SLC25A48: variants seen among roughly 807,000 people sequenced by gnomAD.
The protein encoded by SLC25A48 is CTC-321K16.1.
In SLC25A48, 29 loss-of-function variants were observed where a neutral mutation model predicts 32.2. The ratio of observed to expected loss-of-function variants is 0.90; its 90% confidence interval spans 0.67 to 1.23. The LOEUF is 1.23. SLC25A48 is among the 50% of genes most tolerant of loss of function. SLC25A48 has a pLI of 0.00. For missense variants in SLC25A48, 399 were observed against 422.7 expected (o/e 0.94, Z 0.49); for synonymous variants, 164 against 172.3 (o/e 0.95, Z 0.38).
At chr5:135,774,700 AG>A (rs1362248526) in intron 3 of SLC25A48, among the ~76,000 whole-genome samples, 1 of 151,452 alleles carries the variant, frequency 6.6e-6, no homozygotes. Flanking sequence ...TCCCAATATA[AG>A]GGGGTAAGAG....
chr5:135,720,639 A>T (rs909638731), intron 3 of SLC25A48, among the ~76,000 whole-genome samples: 1 of 152,236 alleles, frequency 6.6e-6, no homozygotes, highest in Non-Finnish European at 1.5e-5. Flanking sequence ...CCCCATGCAT[A>T]GCCCAGCCCT....
chr5:135,660,171 C>G (rs559824042), intron 3 of SLC25A48, among the ~76,000 whole-genome samples: 1 of 152,264 alleles, frequency 6.6e-6, no homozygotes, highest in African/African-American at 2.4e-5. Flanking sequence ...TTTTGAGATT[C>G]ACATGCAGTT....
At chr5:135,638,781 A>G (rs1752766378) in intron 3 of SLC25A48, among the ~76,000 whole-genome samples, 1 of 152,210 alleles carries the variant, frequency 6.6e-6, no homozygotes, top group South Asian at 2.1e-4. Flanking sequence ...GAAAACCATA[A>G]TCTGCATACA....
chr5:135,612,249 A>G (rs1197435011), intron 1 of SLC25A48, among the ~76,000 whole-genome samples: 4 of 152,196 alleles, frequency 2.6e-5, no homozygotes, highest in African/African-American at 9.7e-5. Flanking sequence ...AAGACTGCAT[A>G]TTTTCTAATT....
intron 2 of SLC25A48, among the ~76,000 whole-genome samples, chr5:135,633,858 G>T (rs1040899160): frequency 5.3e-4 from 81 of 152,232 alleles, no homozygotes; most frequent in African/African-American, 1.9e-3. Flanking sequence ...TTTAAAATCT[G>T]CATAAATATT....
intron 3 of SLC25A48, among the ~76,000 whole-genome samples, chr5:135,778,151 G>A (rs1756616473): frequency 6.6e-6 from 1 of 151,314 alleles, no homozygotes; most frequent in Non-Finnish European, 1.5e-5. Context: ...GCGCCCCGTG[G>A]TATTGTTTCT....
chr5:135,635,649 G>A (rs1047252541), intron 3 of SLC25A48, among the ~76,000 whole-genome samples: 3 of 152,182 alleles, frequency 2.0e-5, no homozygotes, highest in Admixed American at 6.5e-5. Flanking sequence ...AAGTAAAACA[G>A]TCTTGATTTG....
At chr5:135,634,349 G>T (rs1274765294) in intron 2 of SLC25A48, among the ~76,000 whole-genome samples, 1 of 152,232 alleles carries the variant, frequency 6.6e-6, no homozygotes, top group East Asian at 1.9e-4. Context: ...GGAGGGAAGG[G>T]CGAAATACCT....
chr5:135,586,593 C>T (rs999180216), intron 1 of SLC25A48, among the ~76,000 whole-genome samples: 1 of 152,146 alleles, frequency 6.6e-6, no homozygotes, highest in African/African-American at 2.4e-5. Context: ...AGGCACACTG[C>T]TAAGCTCTCA....
At chr5:135,639,488 C>T (rs1370694473) in intron 3 of SLC25A48, among the ~76,000 whole-genome samples, 1 of 152,100 alleles carries the variant, frequency 6.6e-6, no homozygotes, top group African/African-American at 2.4e-5. Flanking sequence ...TAGGAGTCCT[C>T]GGATTCTTGG....
At chr5:135,864,260 C>T (rs1423021452) in intron 4 of SLC25A48, among the ~76,000 whole-genome samples, 2 of 152,182 alleles carry the variant, frequency 1.3e-5, no homozygotes, top group African/African-American at 2.4e-5. Flanking sequence ...ATCAGCTGTA[C>T]CTCTGAGGCC....
chr5:135,585,643 A>G (rs1424596753), intron 1 of SLC25A48, among the ~76,000 whole-genome samples: 1 of 152,254 alleles, frequency 6.6e-6, no homozygotes, highest in Non-Finnish European at 1.5e-5. Context: ...GAACGAATGC[A>G]GGATGAATGA....
chr5:135,747,657 A>C (rs994828000), intron 3 of SLC25A48, among the ~76,000 whole-genome samples: 2 of 152,218 alleles, frequency 1.3e-5, no homozygotes, highest in African/African-American at 4.8e-5. Context: ...TGGCACCTGG[A>C]ATATTAATGA....
chr5:135,817,889 C>G (rs1161213303), intron 4 of SLC25A48, among the ~76,000 whole-genome samples: 1 of 152,094 alleles, frequency 6.6e-6, no homozygotes, highest in Non-Finnish European at 1.5e-5. Flanking sequence ...TCACTATGGC[C>G]CATTTTCCCA....
At chr5:135,740,783 CA>C (rs1755484287) in intron 3 of SLC25A48, among the ~76,000 whole-genome samples, 1 of 152,202 alleles carries the variant, frequency 6.6e-6, no homozygotes, top group Admixed American at 6.5e-5. Context: ...AGCTGCCCCC[CA>C]GCCCTGCTCA....
intron 1 of SLC25A48, among the ~76,000 whole-genome samples, chr5:135,628,937 A>G (rs2126905248): frequency 6.6e-6 from 1 of 152,344 alleles, no homozygotes; most frequent in African/African-American, 2.4e-5. Flanking sequence ...CCATGTCCAG[A>G]TGAGCATATG....
intron 3 of SLC25A48, among the ~76,000 whole-genome samples, chr5:135,749,380 ACCTGGGATGGAATTTT>A (rs1755717899): frequency 6.6e-6 from 1 of 150,850 alleles, no homozygotes; most frequent in Non-Finnish European, 1.5e-5. Flanking sequence ...CCCCCATCTC[ACCTGGGATGGAATTTT>A]CCATCCCTAG....
chr5:135,632,075 A>G (rs1294988406), intron 2 of SLC25A48, among the ~76,000 whole-genome samples: 3 of 152,226 alleles, frequency 2.0e-5, no homozygotes, highest in African/African-American at 4.8e-5. Flanking sequence ...GGCTAACTTC[A>G]GTGTGACAAC....
At chr5:135,881,681 T>C (rs755345220) in intron 7 of SLC25A48, among the ~76,000 whole-genome samples, 2 of 152,202 alleles carry the variant, frequency 1.3e-5, no homozygotes, top group African/African-American at 2.4e-5. Flanking sequence ...AGTAATTTCT[T>C]AAAAATCCTA....
Sources: allele counts gnomAD v4.1 joint callset (sites outside exome capture counted in the v4.1 genomes callset), GRCh38; gene constraint gnomAD v4.1.1; transcripts MANE v1.5; gene names NCBI Gene and HGNC (gene_info 2026-07-23, HGNC 2026-07-21).